The following PACSIN2 variants were observed in gnomAD, a reference collection of about 807,000 sequenced individuals.
The protein encoded by PACSIN2 is protein kinase C and casein kinase substrate in neurons protein 2.
PACSIN2 carries 25 observed loss-of-function variants against 63.8 expected under a neutral mutation model. The observed-to-expected ratio is 0.39, with a 90% CI of 0.29 to 0.55. PACSIN2 has a LOEUF of 0.55. Among genes scored for constraint, PACSIN2 ranks in the 20% least tolerant of loss-of-function variants. The probability of loss-of-function intolerance (pLI) is 0.62; values close to 1 mark genes in which losing one functional copy is unlikely to be tolerated. For synonymous variants in PACSIN2, 255 were observed against 256.2 expected, an observed-to-expected ratio of 1.00 and a Z score of 0.05; for missense variants, 518 against 646.9, an observed-to-expected ratio of 0.80 and a Z score of 2.16.
At chr22:42,900,115 G>T (rs1409532945) in intron 2 of PACSIN2, among the ~76,000 whole-genome samples, 1 of 152,142 alleles carries the variant, frequency 6.6e-6, no homozygotes, top group African/African-American at 2.4e-5. Flanking sequence ...TGGAGCACCA[G>T]CGTGGAGCAC....
intron 4 of PACSIN2, among the ~76,000 whole-genome samples, chr22:42,889,141 G>A (rs113096102): frequency 2.6e-5 from 4 of 152,228 alleles, no homozygotes; most frequent in African/African-American, 9.6e-5. Context: ...GAGGACAACT[G>A]AGACGGAGCA....
chr22:42,909,538 G>T (rs750433204), intron 2 of PACSIN2: 12 of 471,020 alleles, frequency 2.5e-5, no homozygotes, highest in Non-Finnish European at 4.4e-5. Context: ...GAAGGCGGAC[G>T]ACCACAGCAC....
At chr22:43,002,541 G>A (rs1923834968) in intron 1 of PACSIN2, 1 of 152,062 alleles carries the variant, frequency 6.6e-6, no homozygotes, top group Admixed American at 6.6e-5. Context: ...CAGATACTTG[G>A]AAGTTCTAAA....
rs1212373835 is a variant in PACSIN2, at chr22:42,879,028, T to C, written c.1028+20A>G. On this transcript the variant is annotated intron_variant, in intron 8 of 10. Transcript: ENST00000263246. ...CCACCATGGAACGGCCTCTTTTGGA[T>C]GGAGGTGGCGCCCACTCACCTGCTG... The C allele has an allele frequency of 6.2e-7, 1 of 1,608,714 alleles. No individual in the cohort carries two copies. The highest frequency in any genetic ancestry group is 8.5e-7 in the Non-Finnish European group (1 of 1,176,824).
At chr22:42,971,146 G>T (rs532820907) in intron 1 of PACSIN2, among the ~76,000 whole-genome samples, 1 of 152,330 alleles carries the variant, frequency 6.6e-6, no homozygotes, top group South Asian at 2.1e-4. Context: ...GCCAAAGCTG[G>T]ACTGTACTGC....
At chr22:42,914,564 G>T (rs989584436) in intron 1 of PACSIN2, among the ~76,000 whole-genome samples, 10 of 152,146 alleles carry the variant, frequency 6.6e-5, no homozygotes, top group African/African-American at 2.2e-4. Context: ...GGCCCTCCTG[G>T]AGTCGCCTCA....
intron 1 of PACSIN2, among the ~76,000 whole-genome samples, chr22:42,913,456 G>T (rs1158617882): frequency 1.5e-5 from 2 of 136,780 alleles, no homozygotes; most frequent in Non-Finnish European, 3.0e-5. Flanking sequence ...TCCAGCCTGG[G>T]CAACAAGAGC....
chr22:42,985,103 A>G (rs1452053906), intron 1 of PACSIN2, among the ~76,000 whole-genome samples: 5 of 152,192 alleles, frequency 3.3e-5, no homozygotes, highest in Non-Finnish European at 7.3e-5. Context: ...CCAAGGTGAG[A>G]GGATCACTTG....
intron 1 of PACSIN2, among the ~76,000 whole-genome samples, chr22:42,948,426 C>A (rs1186755872): frequency 2.0e-5 from 3 of 152,180 alleles, no homozygotes; most frequent in African/African-American, 7.2e-5. Context: ...AAGTGAACTA[C>A]CTAAATACCT....
chr22:42,874,761 G>A lies in PACSIN2; in HGVS notation c.1348+1376C>T, dbSNP rs1265400496. ...CTTCTGTGTGACTAGCCAGTGCCCTGCAATTCACAGCCTTGGCCCAGCAAG... is the reference window on the plus strand; with the variant it reads ...CTTCTGTGTGACTAGCCAGTGCCCTACAATTCACAGCCTTGGCCCAGCAAG... On this transcript the variant is annotated intron_variant, in intron 10 of 10. Coordinates refer to ENST00000263246, the MANE Select transcript of PACSIN2 (RefSeq NM_001184970.3). Among the ~76,000 whole-genome samples the A allele has an allele frequency of 2.6e-5, 4 of 152,232 alleles. No individual in the cohort carries two copies. The East Asian group carries it at 7.7e-4, about 29-fold the overall frequency.
chr22:42,972,899 T>C (rs1012498583), intron 1 of PACSIN2, among the ~76,000 whole-genome samples: 8 of 152,232 alleles, frequency 5.3e-5, no homozygotes, highest in African/African-American at 1.9e-4. Flanking sequence ...TGCTTCTTTA[T>C]AACAGCATCT....
chr22:42,904,007 T>A (rs1020236110), intron 2 of PACSIN2, among the ~76,000 whole-genome samples: 1 of 152,160 alleles, frequency 6.6e-6, no homozygotes, highest in African/African-American at 2.4e-5. Flanking sequence ...AAAGACACAC[T>A]GAGTTACGAA....
At chr22:42,893,913 G>A (rs945046923) in intron 2 of PACSIN2, among the ~76,000 whole-genome samples, 2 of 152,118 alleles carry the variant, frequency 1.3e-5, no homozygotes, top group African/African-American at 4.8e-5. Context: ...GAAGGGGTGG[G>A]GCTGAGGATG....
At chr22:43,012,307 CAAAAAA>C (rs35192048) in intron 1 of PACSIN2, among the ~76,000 whole-genome samples, 1 of 51,802 alleles carries the variant, frequency 1.9e-5, no homozygotes, top group African/African-American at 7.9e-5. Context: ...GACTCTCTCT[CAAAAAA>C]AAAAAAAAAA....
chr22:42,991,401 C>T (rs1430600587), intron 1 of PACSIN2, among the ~76,000 whole-genome samples: 1 of 152,166 alleles, frequency 6.6e-6, no homozygotes, highest in Non-Finnish European at 1.5e-5. Flanking sequence ...CAGCCTGAGC[C>T]CCACCCCACC....
At chr22:42,906,025 A>G (rs1421962343) in intron 2 of PACSIN2, among the ~76,000 whole-genome samples, 1 of 152,252 alleles carries the variant, frequency 6.6e-6, no homozygotes, top group African/African-American at 2.4e-5. Context: ...CCAGCCAAGC[A>G]ACACCTGCCA....
intron 2 of PACSIN2, among the ~76,000 whole-genome samples, chr22:42,903,183 G>A (rs1254552019): frequency 6.6e-6 from 1 of 152,188 alleles, no homozygotes; most frequent in East Asian, 1.9e-4. Flanking sequence ...AGCTAGAGGG[G>A]GCTCCAGGAC....
chr22:42,910,631 C>T (rs527994600), intron 2 of PACSIN2, among the ~76,000 whole-genome samples: 3 of 152,306 alleles, frequency 2.0e-5, no homozygotes, highest in East Asian at 1.9e-4. Flanking sequence ...ATGTGGCTGG[C>T]GACCTGTTTG....
At chr22:42,909,679 G>C in intron 2 of PACSIN2, 1 of 444,124 alleles carries the variant, frequency 2.3e-6, no homozygotes, top group Non-Finnish European at 4.7e-6. Flanking sequence ...GAATTTAACA[G>C]GGAGCATAAG....
Sources: allele counts gnomAD v4.1 joint callset (sites outside exome capture counted in the v4.1 genomes callset), GRCh38; gene constraint gnomAD v4.1.1; transcripts MANE v1.5; gene names NCBI Gene and HGNC (gene_info 2026-07-23, HGNC 2026-07-21).